METTL15: variants seen among roughly 807,000 people sequenced by gnomAD.
The protein encoded by METTL15 is methyltransferase 15, mitochondrial 12S rRNA N4-cytidine.
A neutral mutation model predicts 38.3 loss-of-function variants in METTL15; 34 were observed. The ratio of observed to expected loss-of-function variants is 0.89; its 90% confidence interval spans 0.68 to 1.18. METTL15 has a LOEUF of 1.18. METTL15 is among the 50% of genes most tolerant of loss of function. METTL15 has a pLI of 0.00. For missense variants in METTL15, 438 were observed against 498.4 expected (o/e 0.88, Z 1.15); for synonymous variants, 162 against 170.9 (o/e 0.95, Z 0.41).
chr11:28,520,899 G>A (rs1194665781), intron 6 of METTL15, among the ~76,000 whole-genome samples: 1 of 152,216 alleles, frequency 6.6e-6, no homozygotes, highest in African/African-American at 2.4e-5. Flanking sequence ...TTCTGATGCT[G>A]CTGGATTCTA....
At chr11:28,451,361 G>A (rs1010200209) in intron 6 of METTL15, among the ~76,000 whole-genome samples, 4 of 152,006 alleles carry the variant, frequency 2.6e-5, no homozygotes, top group Non-Finnish European at 5.9e-5. Context: ...TGAGGCAGGC[G>A]GATCACGAGG....
At chr11:28,399,962 G>T (rs143358817) in intron 5 of METTL15, among the ~76,000 whole-genome samples, 1 of 151,994 alleles carries the variant, frequency 6.6e-6, no homozygotes, top group African/African-American at 2.4e-5. Flanking sequence ...ATACCACAAC[G>T]TAGCATGTAA....
intron 4 of METTL15, among the ~76,000 whole-genome samples, chr11:28,232,315 G>A (rs907897089): frequency 2.2e-4 from 33 of 151,782 alleles, no homozygotes; most frequent in Middle Eastern, 6.8e-3. Context: ...TCCACTTGCA[G>A]TCCTGTGCCA....
At chr11:28,525,466 C>T (rs536404790) in intron 6 of METTL15, among the ~76,000 whole-genome samples, 1 of 151,694 alleles carries the variant, frequency 6.6e-6, no homozygotes, top group Admixed American at 6.6e-5. Context: ...GCATTTACAA[C>T]CTTGAGCTAG....
chr11:28,480,657 G>T (rs1048159655), intron 6 of METTL15, among the ~76,000 whole-genome samples: 2 of 152,072 alleles, frequency 1.3e-5, no homozygotes. Context: ...CTACTGTCAG[G>T]GGTAAGGCCT....
chr11:28,325,033 T>G (rs1484706850), intron 6 of METTL15, among the ~76,000 whole-genome samples: 1 of 152,090 alleles, frequency 6.6e-6, no homozygotes, highest in Non-Finnish European at 1.5e-5. Flanking sequence ...CTTAACTCTT[T>G]CTCTGGGCAT....
chr11:28,299,410 C>A (rs111850200), intron 6 of METTL15, among the ~76,000 whole-genome samples: 4 of 152,196 alleles, frequency 2.6e-5, no homozygotes, highest in African/African-American at 9.6e-5. Flanking sequence ...AAGTTTCCAA[C>A]TTAGTTTTCA....
chr11:28,393,807 C>A (rs1420860735), intron 5 of METTL15, among the ~76,000 whole-genome samples: 1 of 152,062 alleles, frequency 6.6e-6, no homozygotes, highest in African/African-American at 2.4e-5. Context: ...CGGATGTGAA[C>A]ACCAGAAGAT....
At chr11:28,502,320 G>A (rs556149468) in intron 6 of METTL15, among the ~76,000 whole-genome samples, 1 of 152,268 alleles carries the variant, frequency 6.6e-6, no homozygotes, top group Non-Finnish European at 1.5e-5. Flanking sequence ...AAATATTGTA[G>A]GCTTTATGAG....
chr11:28,384,951 G>A (rs1456135136), intron 5 of METTL15, among the ~76,000 whole-genome samples: 4 of 152,080 alleles, frequency 2.6e-5, no homozygotes, highest in African/African-American at 9.7e-5. Flanking sequence ...CTTTTGAAAA[G>A]TATCAATTCA....
At chr11:28,300,043 AT>A (rs774820941) in intron 6 of METTL15, among the ~76,000 whole-genome samples, 3 of 152,080 alleles carry the variant, frequency 2.0e-5, no homozygotes, top group Admixed American at 6.6e-5. Flanking sequence ...TCTTAACTTG[AT>A]TATATCTGCA....
At chr11:28,349,215 C>T (rs531956775) in intron 3 of METTL15, among the ~76,000 whole-genome samples, 2 of 152,254 alleles carry the variant, frequency 1.3e-5, no homozygotes, top group East Asian at 1.9e-4. Flanking sequence ...TAGTGAAAAA[C>T]CTGGTTCTCA....
intron 3 of METTL15, among the ~76,000 whole-genome samples, chr11:28,147,869 C>T (rs1182922410): frequency 6.6e-6 from 1 of 151,880 alleles, no homozygotes; most frequent in Non-Finnish European, 1.5e-5. Context: ...TTTTTACTTA[C>T]CTAGTTTTCA....
At chr11:28,113,182 T>C (rs1170101254) in intron 2 of METTL15, 136 bp from the exon 3 acceptor site, 1 of 591,024 alleles carries the variant, frequency 1.7e-6, no homozygotes, top group Non-Finnish European at 2.9e-6. Context: ...TCACCTTTAC[T>C]TGTTTAAGAT....
intron 4 of METTL15, among the ~76,000 whole-genome samples, chr11:28,215,118 T>A (rs975204285): frequency 6.6e-6 from 1 of 152,132 alleles, no homozygotes; most frequent in Middle Eastern, 3.2e-3. Context: ...AAAAAGGATA[T>A]ATGGTCTAAT....
rs865913029 is a variant in METTL15, at chr11:28,353,845, A to G, written c.*258+1687A>G. On this transcript the variant is annotated intron_variant and NMD_transcript_variant, in intron 4 of 7. Transcript: ENST00000532947. ...GAGGCTGAGGCAGGAGAATGGCGTGAACCCGGGAAGCGGAGCTTGCAGTGA... is the reference window on the plus strand; with the variant it reads ...GAGGCTGAGGCAGGAGAATGGCGTGGACCCGGGAAGCGGAGCTTGCAGTGA... Among the ~76,000 whole-genome samples the G allele has an allele frequency of 4.6e-5, 7 of 151,392 alleles. 1 individual carries two copies. The highest frequency in any genetic ancestry group is 1.7e-4 in the African/African-American group (7 of 41,236).
chr11:28,259,913 T>C (rs1043231323), intron 4 of METTL15, among the ~76,000 whole-genome samples: 4 of 152,294 alleles, frequency 2.6e-5, no homozygotes, highest in South Asian at 2.1e-4. Flanking sequence ...TGCCATCTTG[T>C]TCCACTTCCC....
chr11:28,397,318 G>C (rs1465282062), intron 5 of METTL15, among the ~76,000 whole-genome samples: 6 of 151,864 alleles, frequency 4.0e-5, no homozygotes, highest in South Asian at 2.1e-4. Context: ...TACAGAATGG[G>C]AGAAAATTTT....
At chr11:28,272,612 A>G (rs1048394119) in intron 4 of METTL15, among the ~76,000 whole-genome samples, 1 of 152,180 alleles carries the variant, frequency 6.6e-6, no homozygotes, top group Non-Finnish European at 1.5e-5. Context: ...AGAAATGCCT[A>G]ATGTAGATGA....
Sources: gnomAD v4.1 joint callset for allele counts (sites outside exome capture counted in the v4.1 genomes callset) on GRCh38, gnomAD v4.1.1 for gene constraint, MANE v1.5 for transcripts, NCBI Gene and HGNC (gene_info 2026-07-23, HGNC 2026-07-21) for gene names.